The following ATP2B2 variants were observed in gnomAD, a reference collection of about 807,000 sequenced individuals.
ATP2B2 encodes the protein plasma membrane calcium-transporting ATPase 2.
Under a neutral mutation model 120.0 loss-of-function variants are expected in ATP2B2, and 15 were observed. The observed-to-expected ratio is 0.12, with a 90% CI of 0.08 to 0.19. The LOEUF (loss-of-function observed/expected upper bound fraction) is 0.19, where lower values mean the gene tolerates loss of function less well. Ranked by LOEUF, ATP2B2 falls within the 10% of genes least tolerant of loss-of-function variation. The probability of loss-of-function intolerance (pLI) is 1.00; values close to 1 mark genes in which losing one functional copy is unlikely to be tolerated. For missense variants in ATP2B2, 1,045 were observed against 1,719.8 expected, an observed-to-expected ratio of 0.61 and a Z score of 6.94; for synonymous variants, 694 against 700.3, an observed-to-expected ratio of 0.99 and a Z score of 0.14.
At chr3:10,532,393 T>C (rs907479738) in intron 3 of ATP2B2, among the ~76,000 whole-genome samples, 1 of 152,220 alleles carries the variant, frequency 6.6e-6, no homozygotes, top group Non-Finnish European at 1.5e-5. Flanking sequence ...TTTGTTATTA[T>C]ATAACAAAAC....
chr3:10,442,525 G>A (rs962533110), intron 2 of ATP2B2, among the ~76,000 whole-genome samples: 1 of 152,234 alleles, frequency 6.6e-6, no homozygotes, highest in Non-Finnish European at 1.5e-5. Flanking sequence ...AGAAGGATAT[G>A]CAGGCAGCAT....
intron 12 of ATP2B2, among the ~76,000 whole-genome samples, chr3:10,363,589 G>A (rs1283244204): frequency 6.6e-6 from 1 of 152,172 alleles, no homozygotes; most frequent in Non-Finnish European, 1.5e-5. Context: ...ATGCTGGGAA[G>A]TGAATGGAGC....
chr3:10,484,478 G>A (rs779496530), intron 1 of ATP2B2, among the ~76,000 whole-genome samples: 1 of 152,156 alleles, frequency 6.6e-6, no homozygotes, highest in Admixed American at 6.5e-5. Flanking sequence ...GGCCGCGGGG[G>A]TCTCTGTGGC....
At chr3:10,460,214 A>T (rs1489040629) in intron 1 of ATP2B2, among the ~76,000 whole-genome samples, 1 of 152,230 alleles carries the variant, frequency 6.6e-6, no homozygotes, top group East Asian at 1.9e-4. Context: ...TCTCCCCAGC[A>T]GGTTGACTAA....
chr3:10,329,182 G>A lies in ATP2B2; in HGVS notation c.3421-57C>T. 1.3e-6 allele frequency: 2 copies of A among 1,523,178 alleles called. No individual in the cohort carries two copies. The highest frequency in any genetic ancestry group is 1.8e-6 in the Non-Finnish European group (2 of 1,110,498). 94.4% of individuals were successfully genotyped at this position (1,523,178 alleles called of 1,614,324 possible). ...GCCCAGGGACCACAGCCAGGCTCGG[G>A]GGGCTCACAGGAGGGGCGGGTGGGA... On this transcript the variant is annotated intron_variant, in intron 22 of 22. Transcript: ENST00000360273. This position sits in a 1 kb window ranked among gnomAD's most constrained non-coding sequence, Gnocchi z 5.9.
At position 10,449,422 on chromosome 3, in the gene ATP2B2, T is replaced by A; in HGVS notation, c.122A>T (p.Glu41Val). The A allele has an allele frequency of 6.2e-7, 1 of 1,614,242 alleles. No individual in the cohort carries two copies. The highest frequency in any genetic ancestry group is 8.5e-7 in the Non-Finnish European group (1 of 1,180,030). Residue 41 changes from glutamate to valine, a missense_variant, in exon 2 of 23, where the codon GAG becomes GTG. Physicochemically the swap from Glu to Val is moderately radical, Grantham distance 121. Coordinates refer to ENST00000360273, the MANE Select transcript of ATP2B2 (RefSeq NM_001001331.4). ...LRSLMELRGTEAVVKIKETYG... is the reference protein window; with the variant it reads ...LRSLMELRGTVAVVKIKETYG... ...AGTCTCCTTGATCTTGACCACAGCCTCAGTGCCCCGCAGCTCCATGAGGGA... is the reference window on the plus strand; with the variant it reads ...AGTCTCCTTGATCTTGACCACAGCCACAGTGCCCCGCAGCTCCATGAGGGA...
intron 1 of ATP2B2, among the ~76,000 whole-genome samples, chr3:10,695,728 C>A (rs536732981): frequency 1.3e-5 from 2 of 152,292 alleles, no homozygotes; most frequent in East Asian, 1.9e-4. Context: ...CCAGCCAGGA[C>A]CAGAAGCATC....
At chr3:10,378,761 C>T (rs2061448586) in intron 9 of ATP2B2, among the ~76,000 whole-genome samples, 1 of 152,192 alleles carries the variant, frequency 6.6e-6, no homozygotes. Context: ...CAGGCTTGGG[C>T]TCTACCCAGC....
At chr3:10,616,602 ATT>A (rs2069394287) in intron 2 of ATP2B2, among the ~76,000 whole-genome samples, 1 of 152,224 alleles carries the variant, frequency 6.6e-6, no homozygotes, top group Non-Finnish European at 1.5e-5. Context: ...GAATAAAAAA[ATT>A]TGTTTTTGAG....
intron 2 of ATP2B2, among the ~76,000 whole-genome samples, chr3:10,582,554 G>C (rs2068415756): frequency 1.3e-5 from 2 of 152,246 alleles, no homozygotes; most frequent in African/African-American, 4.8e-5. Flanking sequence ...GTGGGGTAGA[G>C]AGAATCCTGC....
chr3:10,670,869 C>A (rs1289001895), intron 1 of ATP2B2, among the ~76,000 whole-genome samples: 1 of 152,170 alleles, frequency 6.6e-6, no homozygotes, highest in African/African-American at 2.4e-5. Context: ...AATACAAGAA[C>A]AATTAGTGTT....
At position 10,449,342 on chromosome 3, in the gene ATP2B2, T is replaced by C; in HGVS notation, c.199+3A>G. 6.2e-7 allele frequency: 1 copy of C among 1,614,226 alleles called. No homozygotes were observed. The highest frequency in any genetic ancestry group is 8.5e-7 in the Non-Finnish European group (1 of 1,180,026). The stretch of plus-strand genomic sequence containing the variant: ...GCCCTGGGTTCAAGTCTTGAACACT[T>C]ACCTTCAACAGGTGAGGTTTTGAGG... On this transcript the variant is annotated splice_donor_region_variant and intron_variant, in intron 2 of 22. Transcript: ENST00000360273.
chr3:10,640,332 G>T (rs2070138798), intron 1 of ATP2B2, among the ~76,000 whole-genome samples: 1 of 152,202 alleles, frequency 6.6e-6, no homozygotes, highest in Non-Finnish European at 1.5e-5. Flanking sequence ...GACACAAGTG[G>T]TCCAAAGGAA....
intron 2 of ATP2B2, among the ~76,000 whole-genome samples, chr3:10,418,476 G>A (rs2062862975): frequency 1.3e-5 from 2 of 152,162 alleles, no homozygotes; most frequent in Non-Finnish European, 2.9e-5. Flanking sequence ...CATGTGTGGG[G>A]CACCTCACAC....
In ATP2B2 at chr3:10,342,920, T is replaced by G; in HGVS notation, c.2749A>C (p.Met917Leu). Residue 917 changes from methionine (M) to leucine (L), a missense_variant, in exon 19 of 23, where the codon ATG becomes CTG. Met to Leu is a conservative substitution (Grantham distance 15, BLOSUM62 2). Coordinates refer to ENST00000360273, the MANE Select transcript of ATP2B2 (RefSeq NM_001001331.4). The surrounding 1 kb of genome is among the most constrained non-coding windows in gnomAD (Gnocchi z 4.4). ...AVQMLWVNLIMDTFASLALAT... is the reference protein window; with the variant it reads ...AVQMLWVNLILDTFASLALAT... ...AGTGCCAGCGAGGCAAACGTGTCCA[T>G]GATGAGGTTCACCCAGAGCATCTGC... is the stretch of plus-strand genomic sequence containing the variant. 6.2e-7 allele frequency: 1 copy of G among 1,614,078 alleles called. No individual in the cohort carries two copies. The highest frequency in any genetic ancestry group is 8.5e-7 in the Non-Finnish European group (1 of 1,179,992).
intron 3 of ATP2B2, among the ~76,000 whole-genome samples, chr3:10,529,319 C>T (rs920937133): frequency 2.6e-5 from 4 of 152,216 alleles, no homozygotes; most frequent in Non-Finnish European, 4.4e-5. Flanking sequence ...CAGCCAGTTG[C>T]GTACTTACCT....
chr3:10,676,863 A>G (rs1422247839), intron 1 of ATP2B2, among the ~76,000 whole-genome samples: 1 of 152,246 alleles, frequency 6.6e-6, no homozygotes. Context: ...AAACTATGTC[A>G]TGGTACAAAC....
intron 2 of ATP2B2, among the ~76,000 whole-genome samples, chr3:10,583,822 C>T (rs1289071094): frequency 1.3e-5 from 2 of 152,190 alleles, no homozygotes; most frequent in Non-Finnish European, 2.9e-5. Flanking sequence ...AATACAAATG[C>T]AAAAGCTCAG....
At chr3:10,410,387 A>T (rs962531223) in intron 3 of ATP2B2, among the ~76,000 whole-genome samples, 2 of 152,226 alleles carry the variant, frequency 1.3e-5, no homozygotes, top group Non-Finnish European at 2.9e-5. Context: ...TGCTCACTAA[A>T]GTGATTACTG....
Sources: gnomAD v4.1 joint callset for allele counts (sites outside exome capture counted in the v4.1 genomes callset) on GRCh38, gnomAD v4.1.1 for gene constraint, Gnocchi (gnomAD v3.1) non-coding constraint, MANE v1.5 for transcripts, NCBI Gene and HGNC (gene_info 2026-07-23, HGNC 2026-07-21) for gene names.